Variants in CD163L1 observed in about 807,000 individuals in gnomAD.
The protein encoded by CD163L1 is scavenger receptor cysteine-rich type 1 protein M160.
Under a neutral mutation model 165.4 loss-of-function variants are expected in CD163L1, and 124 were observed. The ratio of observed to expected loss-of-function variants is 0.75; its 90% confidence interval spans 0.65 to 0.87. The LOEUF (loss-of-function observed/expected upper bound fraction) is 0.87, where lower values mean the gene tolerates loss of function less well. Ranked by LOEUF, CD163L1 falls within the 40% of genes least tolerant of loss-of-function variation. The probability of loss-of-function intolerance (pLI) is 0.00; values close to 1 mark genes in which losing one functional copy is unlikely to be tolerated. For missense variants in CD163L1, 1,525 were observed against 1,799.9 expected (o/e 0.85, Z 2.76); for synonymous variants, 585 against 662.2 (o/e 0.88, Z 1.79).
Position 7,379,146 on chromosome 12 carries a change from A to G in CD163L1, c.2203T>C (p.Ser735Pro), listed in dbSNP as rs910011034. 2 of 1,614,022 alleles carry G rather than the reference A, an allele frequency of 1.2e-6. No homozygotes were observed. Among genetic ancestry groups the G allele is most frequent in the African/African-American group, 2.7e-5 (2 of 74,906 alleles). The change falls in exon 9 of 20, where the codon TCT (serine) becomes CCT (proline). Residue 735 changes from serine to proline, a missense_variant. Transcript: ENST00000313599. Reference protein sequence around the residue: ...EVVCRQLECGSAIRVSREPHF... With the variant: ...EVVCRQLECGPAIRVSREPHF... ...GGCTCTCTGGAGACCCTGATTGCAG[A>G]CCCACATTCAAGTTGCCTGCAAACA...
Position 7,368,967 on chromosome 12 carries a change from T to C in CD163L1, c.4040-2A>G. The C allele has an allele frequency of 6.5e-7, 1 of 1,541,874 alleles. No individual in the cohort carries two copies. Among genetic ancestry groups the C allele is most frequent in the Non-Finnish European group, 8.9e-7 (1 of 1,123,556 alleles). Reference sequence around the variant, plus strand: ...CATTCAGTGATTTCAGCGACTGTCCTGAGAGAGAGAGAGAGAGAGAGAGAC... The same window carrying C: ...CATTCAGTGATTTCAGCGACTGTCCCGAGAGAGAGAGAGAGAGAGAGAGAC... On this transcript the variant is annotated splice_acceptor_variant, in intron 15 of 19. Transcript: ENST00000313599. LOFTEE classifies it high-confidence loss of function. This position sits in a 1 kb window ranked among gnomAD's most constrained non-coding sequence, Gnocchi z 4.3.
intron 2 of CD163L1, among the ~76,000 whole-genome samples, chr12:7,434,000 T>C (rs1336117791): frequency 6.6e-6 from 1 of 152,198 alleles, no homozygotes; most frequent in Admixed American, 6.5e-5. Flanking sequence ...GGTTTGCTGT[T>C]GTGCACGCAG....
intron 4 of CD163L1, among the ~76,000 whole-genome samples, chr12:7,420,410 G>A (rs904254360): frequency 6.6e-6 from 1 of 151,748 alleles, no homozygotes; most frequent in Non-Finnish European, 1.5e-5. Flanking sequence ...AATCAGTAGG[G>A]CAAACAGAAA....
chr12:7,365,388 G>A (rs889902747), intron 18 of CD163L1, among the ~76,000 whole-genome samples: 9 of 151,992 alleles, frequency 5.9e-5, no homozygotes, highest in Non-Finnish European at 1.3e-4. Context: ...CAAAAGCACA[G>A]GCCACCAAAG....
rs775062285 is a variant in CD163L1 at position 7,369,052 on chromosome 12, C to A, written c.4040-87G>T. 5 of 1,370,638 alleles carry A rather than the reference C, an allele frequency of 3.6e-6. No individual in the cohort carries two copies. The South Asian group carries it at 4.8e-5, about 13-fold the overall frequency. The allele number at this position is 1,370,638 out of a possible 1,614,324, so 84.9% of individuals were successfully genotyped here. On this transcript the variant is annotated intron_variant, in intron 15 of 19. Transcript: ENST00000313599. The surrounding 1 kb of genome is among the most constrained non-coding windows in gnomAD (Gnocchi z 4.9). ...TACATCTCCTGCGATTATCGGATGT[C>A]ATTTAAATATCCTTTTAACATCTCC...
At chr12:7,395,358 A>AC (rs199839521) in intron 8 of CD163L1, among the ~76,000 whole-genome samples, 7,921 of 151,960 alleles carry the variant, frequency 0.052, 527 homozygotes, top group Admixed American at 0.21. Flanking sequence ...AAAACCAAAC[A>AC]CCCCATGTTC....
intron 8 of CD163L1, among the ~76,000 whole-genome samples, chr12:7,383,617 G>C (rs1003140770): frequency 1.3e-5 from 2 of 152,132 alleles, no homozygotes; most frequent in Non-Finnish European, 2.9e-5. Flanking sequence ...GGACTGGCTT[G>C]TCTGGTGTCC....
At chr12:7,414,743 T>C (rs981288635) in intron 4 of CD163L1, among the ~76,000 whole-genome samples, 3 of 152,118 alleles carry the variant, frequency 2.0e-5, no homozygotes, top group South Asian at 2.1e-4. Flanking sequence ...GAAATTCCCA[T>C]AGAGCTATCA....
intron 4 of CD163L1, among the ~76,000 whole-genome samples, chr12:7,411,372 T>C (rs779160712): frequency 6.6e-5 from 10 of 152,194 alleles, no homozygotes; most frequent in Admixed American, 6.5e-4. Flanking sequence ...TTTTGTCCCC[T>C]CCGAATCTGA....
At position 7,374,403 on chromosome 12, in the gene CD163L1, C is replaced by T. The variant is rs754514154; in HGVS notation, c.3409+39G>A. ...TGTTGTGTGTGTGCAAGTGTGTGCACGTGTGTGTAGAGGAGGGTGAAAAGG... is the reference window on the plus strand; with the variant it reads ...TGTTGTGTGTGTGCAAGTGTGTGCATGTGTGTGTAGAGGAGGGTGAAAAGG... On this transcript the variant is annotated intron_variant, in intron 13 of 19. Transcript: ENST00000313599. The surrounding 1 kb of genome is among the most constrained non-coding windows in gnomAD (Gnocchi z 5.4). 2.2e-5 allele frequency: 35 copies of T among 1,562,848 alleles called. No individual in the cohort carries two copies. The highest frequency in any genetic ancestry group is 3.5e-5 in the Admixed American group (2 of 56,706).
Position 7,396,149 on chromosome 12 carries a change from C to G in CD163L1, c.1996G>C (p.Gly666Arg), listed in dbSNP as rs1268301586. ...ESDLWSCRNS[G>R]WGNNDCSHSE... ...TGACTGCAGTCATTATTTCCCCACC[C>G]ACTGTTCCTGCATGACCAGAGATCT... The change falls in exon 8 of 20, where the codon GGG (glycine) becomes CGG (arginine). Residue 666 changes from glycine to arginine, a missense_variant. Gly to Arg is a moderately radical substitution (Grantham distance 125, BLOSUM62 -2). Transcript: ENST00000313599. The G allele has an allele frequency of 6.2e-7, 1 of 1,614,154 alleles. No homozygotes were observed. Among genetic ancestry groups the G allele is most frequent in the South Asian group, 1.1e-5 (1 of 91,086 alleles).
chr12:7,390,995 A>G (rs1947642660), intron 8 of CD163L1, among the ~76,000 whole-genome samples: 1 of 152,192 alleles, frequency 6.6e-6, no homozygotes, highest in African/African-American at 2.4e-5. Flanking sequence ...TCCGGTCTTC[A>G]GCTCCCAGTG....
At chr12:7,338,986 C>G in the CD163L1 span, among the ~76,000 whole-genome samples, 3 of 152,164 alleles carry the variant, frequency 2.0e-5, no homozygotes, top group East Asian at 5.8e-4. Flanking sequence ...TCCCTTTTTA[C>G]TTGAGATAGA....
At chr12:7,332,292 C>A in the CD163L1 span, among the ~76,000 whole-genome samples, 3 of 151,958 alleles carry the variant, frequency 2.0e-5, no homozygotes, top group African/African-American at 7.3e-5. Context: ...GTGAAAAGAC[C>A]AAATCTACAT....
Position 7,419,044 on chromosome 12 carries a change from T to G in CD163L1, c.767-12192A>C, listed in dbSNP as rs771175383. On this transcript the variant is annotated intron_variant, in intron 4 of 19. Transcript: ENST00000313599. The stretch of plus-strand genomic sequence containing the variant: ...TCCTGTGAAGCCAGTATCACCCTAA[T>G]ACCAAAACCAGGAAAGGACATAACA... Among the ~76,000 whole-genome samples, 8 of 152,060 alleles carry G rather than the reference T, an allele frequency of 5.3e-5. No individual in the cohort carries two copies. In the East Asian group the frequency reaches 1.5e-3, roughly 29 times the overall value.
chr12:7,441,010 T>C, intron 2 of CD163L1, 144 bp downstream of exon 2: 1 of 586,288 alleles, frequency 1.7e-6, no homozygotes, highest in Non-Finnish European at 3.1e-6. Context: ...TTTGGACACC[T>C]TTATTTACAG....
At chr12:7,362,438 ATAAT>A (rs1241271808) in intron 18 of CD163L1, among the ~76,000 whole-genome samples, 8 of 138,142 alleles carry the variant, frequency 5.8e-5, no homozygotes, top group East Asian at 4.0e-4. Context: ...TATACCATAT[ATAAT>A]TATGTGTTAT....
chr12:7,422,008 A>C (rs1350015738), intron 4 of CD163L1, among the ~76,000 whole-genome samples: 1 of 152,074 alleles, frequency 6.6e-6, no homozygotes, highest in Non-Finnish European at 1.5e-5. Flanking sequence ...GAGAACTCCT[A>C]ACAGGGATTG....
chr12:7,432,807 C>G lies in CD163L1; in HGVS notation c.446-71G>C, dbSNP rs144144344. On this transcript the variant is annotated intron_variant, in intron 3 of 19. Transcript: ENST00000313599. This position sits in a 1 kb window ranked among gnomAD's most constrained non-coding sequence, Gnocchi z 4.2. ...AGCCTGAAATAAAATCAAAAGGATA[C>G]GTAGAAGACAGCCCTGTTATGAATG... is the stretch of plus-strand genomic sequence containing the variant. The G allele has an allele frequency of 3.8e-6, 5 of 1,300,796 alleles. No individual in the cohort carries two copies. The highest frequency in any genetic ancestry group is 3.0e-5 in the South Asian group (2 of 67,796). The allele number at this position is 1,300,796 out of a possible 1,614,324, so 80.6% of individuals were successfully genotyped here.
Sources: allele counts gnomAD v4.1 joint callset (sites outside exome capture counted in the v4.1 genomes callset), GRCh38; gene constraint gnomAD v4.1.1; non-coding constraint Gnocchi (gnomAD v3.1); transcripts MANE v1.5; gene names NCBI Gene and HGNC (gene_info 2026-07-23, HGNC 2026-07-21).